The following EPB41L4A variants were observed in gnomAD, a reference collection of about 807,000 sequenced individuals.
EPB41L4A encodes band 4.1-like protein 4A.
A neutral mutation model predicts 108.6 loss-of-function variants in EPB41L4A; 100 were observed. The ratio of observed to expected loss-of-function variants is 0.92; its 90% CI spans 0.78 to 1.09. EPB41L4A has a LOEUF of 1.09. EPB41L4A is among the 50% of genes least tolerant of loss of function. The pLI is 0.00. For synonymous variants in EPB41L4A, 319 were observed against 289.0 expected, an observed-to-expected ratio of 1.10 and a Z score of -1.05; for missense variants, 1,030 against 842.7, an observed-to-expected ratio of 1.22 and a Z score of -2.75.
chr5:112,211,481 CTGAGGCAGGAGAATTGCTTGAACTGGG>C, intron 12 of EPB41L4A, among the ~76,000 whole-genome samples: 1 of 152,076 alleles, frequency 6.6e-6, no homozygotes, highest in Non-Finnish European at 1.5e-5. Context: ...ACTCAGGAGG[CTGAGGCAGGAGAATTGCTTGAACTGGG>C]ACCCGGGAGG....
chr5:112,369,071 T>G (rs953896108), intron 1 of EPB41L4A, among the ~76,000 whole-genome samples: 3 of 152,214 alleles, frequency 2.0e-5, no homozygotes, highest in Admixed American at 6.5e-5. Flanking sequence ...TAGATGGCTG[T>G]TTGGTTTCCA....
At chr5:112,403,435 T>C (rs576950523) in intron 1 of EPB41L4A, among the ~76,000 whole-genome samples, 1 of 152,168 alleles carries the variant, frequency 6.6e-6, no homozygotes, top group African/African-American at 2.4e-5. Flanking sequence ...ACTGTAAGTC[T>C]CCTTTTTGAC....
At chr5:112,365,260 G>T (rs977042882) in intron 1 of EPB41L4A, among the ~76,000 whole-genome samples, 2 of 152,108 alleles carry the variant, frequency 1.3e-5, no homozygotes, top group African/African-American at 4.8e-5. Context: ...CTATTCACAG[G>T]CATGATCATA....
intron 15 of EPB41L4A, among the ~76,000 whole-genome samples, chr5:112,200,527 C>A (rs1580418799): frequency 6.6e-6 from 1 of 152,308 alleles, no homozygotes. Context: ...TATCCCTTAA[C>A]AGCATCTAAG....
intron 12 of EPB41L4A, among the ~76,000 whole-genome samples, chr5:112,231,512 G>A (rs143885859): frequency 0.013 from 1,945 of 152,080 alleles, 42 homozygotes; most frequent in African/African-American, 0.043. Context: ...CTGGCCGGGC[G>A]CGGTGGCTCA....
intron 12 of EPB41L4A, among the ~76,000 whole-genome samples, chr5:112,226,983 A>G (rs1335854980): frequency 4.7e-5 from 3 of 64,200 alleles, no homozygotes; most frequent in Non-Finnish European, 1.2e-4. Context: ...ACCACAATGA[A>G]AAAAAAAAAA....
At chr5:112,265,070 A>G in intron 5 of EPB41L4A, 54 bp from the exon 6 acceptor site, 5 of 1,426,348 alleles carry the variant, frequency 3.5e-6, no homozygotes, top group Non-Finnish European at 4.7e-6. Flanking sequence ...AGTCCTTAAA[A>G]CATAGAAATA....
rs1348528586 is a variant in EPB41L4A at position 112,164,015 on chromosome 5, C to T, written c.*975G>A. On this transcript the variant is annotated 3_prime_UTR_variant, in exon 23 of 23. Coordinates refer to ENST00000261486, the MANE Select transcript of EPB41L4A (RefSeq NM_022140.5). ...GTATTTTCCCTGTAGATTGCAAAGT[C>T]ATCTATGGAGAGGAAAGGTACAAAA... 2.0e-5 allele frequency: 3 copies of T among 152,116 alleles called. No individual in the cohort carries two copies. The allele number at this position is 152,116 out of a possible 1,614,324, so 9.4% of individuals were successfully genotyped here. A position where few individuals can be genotyped will look rare whatever the true frequency, so the allele number is the denominator to read the frequency against.
chr5:112,366,850 T>C (rs1251422080), intron 1 of EPB41L4A, among the ~76,000 whole-genome samples: 1 of 152,184 alleles, frequency 6.6e-6, no homozygotes, highest in African/African-American at 2.4e-5. Flanking sequence ...CTTATCCTAC[T>C]GTACTATGAA....
chr5:112,261,692 T>C (rs1455112505), intron 7 of EPB41L4A, among the ~76,000 whole-genome samples: 1 of 152,166 alleles, frequency 6.6e-6, no homozygotes, highest in East Asian at 1.9e-4. Flanking sequence ...TCTGCAAAAA[T>C]ATTTCTATTA....
intron 2 of EPB41L4A, among the ~76,000 whole-genome samples, chr5:112,286,601 C>G (rs1406655695): frequency 6.6e-6 from 1 of 152,172 alleles, no homozygotes; most frequent in Non-Finnish European, 1.5e-5. Flanking sequence ...CTGCTTGCAT[C>G]TGAGCTTGTG....
chr5:112,355,617 G>A (rs946720037), intron 1 of EPB41L4A, among the ~76,000 whole-genome samples: 3 of 152,022 alleles, frequency 2.0e-5, no homozygotes, highest in South Asian at 2.1e-4. Context: ...ATACTCTTCC[G>A]AACCCTCTCC....
intron 1 of EPB41L4A, among the ~76,000 whole-genome samples, chr5:112,398,930 G>GA (rs60463095): frequency 3.2e-3 from 350 of 108,236 alleles, no homozygotes; most frequent in Admixed American, 5.8e-3. Context: ...GTCTATCCTA[G>GA]AAAAAAAAAA....
intron 18 of EPB41L4A, among the ~76,000 whole-genome samples, chr5:112,180,657 T>A (rs1327713109): frequency 2.7e-4 from 33 of 123,410 alleles, no homozygotes; most frequent in East Asian, 4.8e-4. Context: ...CCCTTAAGAT[T>A]AAAAAAAAAA....
intron 1 of EPB41L4A, among the ~76,000 whole-genome samples, chr5:112,323,631 A>C (rs1755954073): frequency 6.6e-6 from 1 of 152,216 alleles, no homozygotes; most frequent in South Asian, 2.1e-4. Flanking sequence ...CCTGCGTTGA[A>C]CAACGTACCT....
At chr5:112,154,389 C>T (rs1759578194) in intron 12 of EPB41L4A, among the ~76,000 whole-genome samples, 1 of 152,200 alleles carries the variant, frequency 6.6e-6, no homozygotes, top group Non-Finnish European at 1.5e-5. Flanking sequence ...TATGCATGTG[C>T]ACTGTAATTC....
chr5:112,178,185 T>C (rs1165090048), intron 18 of EPB41L4A, among the ~76,000 whole-genome samples: 1 of 152,168 alleles, frequency 6.6e-6, no homozygotes, highest in African/African-American at 2.4e-5. Flanking sequence ...GTAGAATTTA[T>C]GCGTGTGCAT....
chr5:112,210,368 T>TC (rs1252402994), intron 12 of EPB41L4A, among the ~76,000 whole-genome samples: 1 of 152,192 alleles, frequency 6.6e-6, no homozygotes, highest in Non-Finnish European at 1.5e-5. Flanking sequence ...TTTCTCAGCA[T>TC]ATCATGACAG....
chr5:112,276,814 C>T (rs1379853974), intron 3 of EPB41L4A, among the ~76,000 whole-genome samples: 1 of 152,160 alleles, frequency 6.6e-6, no homozygotes, highest in Non-Finnish European at 1.5e-5. Flanking sequence ...GTGTGCAGCA[C>T]CCTGGAACCC....
Sources: gnomAD v4.1 joint callset for allele counts (sites outside exome capture counted in the v4.1 genomes callset) on GRCh38, gnomAD v4.1.1 for gene constraint, MANE v1.5 for transcripts, NCBI Gene and HGNC (gene_info 2026-07-23, HGNC 2026-07-21) for gene names.